DOCK3: variants seen among roughly 807,000 people sequenced by gnomAD.
DOCK3 encodes dedicator of cytokinesis protein 3.
Under a neutral mutation model 265.6 loss-of-function variants are expected in DOCK3, and 60 were observed. The observed-to-expected ratio is 0.23, with a 90% CI of 0.18 to 0.28. DOCK3 has a LOEUF of 0.28. Ranked by LOEUF, DOCK3 falls within the 10% of genes least tolerant of loss-of-function variation. The pLI is 1.00. For synonymous variants in DOCK3, 881 were observed against 938.0 expected, an observed-to-expected ratio of 0.94 and a Z score of 1.11; for missense variants, 1,981 against 2,594.3, an observed-to-expected ratio of 0.76 and a Z score of 5.14.
chr3:50,842,088 A>G (rs1252300209), intron 3 of DOCK3, among the ~76,000 whole-genome samples: 2 of 152,220 alleles, frequency 1.3e-5, no homozygotes, highest in East Asian at 3.9e-4. Flanking sequence ...CAAATAATCC[A>G]ATTAGATATT....
In DOCK3 at chr3:51,075,321, C is replaced by T. The variant is rs766316595; in HGVS notation, c.465-35C>T. 2.6e-6 allele frequency: 4 copies of T among 1,557,358 alleles called. No homozygotes were observed. In the African/African-American group the frequency reaches 4.1e-5, roughly 16 times the overall value. ...TAAAGAGAGATAAGTAATCTGAGTA[C>T]ATGGCATACTGAGTGTGGTCTTTCT... is the stretch of plus-strand genomic sequence containing the variant. On this transcript the variant is annotated intron_variant, in intron 6 of 52. Coordinates refer to ENST00000266037, the MANE Select transcript of DOCK3 (RefSeq NM_004947.5).
intron 48 of DOCK3, among the ~76,000 whole-genome samples, chr3:51,362,221 G>A (rs778216113): frequency 6.6e-6 from 1 of 152,184 alleles, no homozygotes; most frequent in Non-Finnish European, 1.5e-5. Context: ...CTTCAGTCCT[G>A]GTTGCTTTAG....
At chr3:51,127,351 A>C (rs1349564117) in intron 9 of DOCK3, among the ~76,000 whole-genome samples, 1 of 152,146 alleles carries the variant, frequency 6.6e-6, no homozygotes, top group Non-Finnish European at 1.5e-5. Context: ...TAACCATCAC[A>C]AGTCCACCCC....
At chr3:50,910,915 G>A (rs939664310) in intron 4 of DOCK3, among the ~76,000 whole-genome samples, 23 of 151,952 alleles carry the variant, frequency 1.5e-4, no homozygotes. Context: ...TTGCATGGAT[G>A]GTTGTTCAAT....
chr3:51,207,586 A>G (rs1317849842), intron 12 of DOCK3, among the ~76,000 whole-genome samples: 1 of 152,194 alleles, frequency 6.6e-6, no homozygotes, highest in African/African-American at 2.4e-5. Flanking sequence ...AGGAGTCCAA[A>G]GAGCCACTGA....
intron 7 of DOCK3, among the ~76,000 whole-genome samples, chr3:51,082,271 C>T (rs35356497): frequency 0.76 from 115,291 of 151,616 alleles, 44,826 homozygotes; most frequent in Middle Eastern, 0.88. Context: ...CACCAGACTG[C>T]GTTTTTCTAC....
rs138224831 is a variant in DOCK3 at position 51,158,508 on chromosome 3, C to T, written c.829-736C>T. Among the ~76,000 whole-genome samples, 3 of 152,154 alleles carry T rather than the reference C, an allele frequency of 2.0e-5. No homozygotes were observed. The East Asian group carries it at 5.8e-4, about 29-fold the overall frequency. ...GCAGTGAGCCGTGATCGCACCACTG[C>T]ACTCCATCCTGGTGACAGAGCAAGA... On this transcript the variant is annotated intron_variant, in intron 10 of 52. Coordinates refer to ENST00000266037, the MANE Select transcript of DOCK3 (RefSeq NM_004947.5).
Position 51,181,066 on chromosome 3 carries a change from A to C in DOCK3, c.1037+20364A>C, listed in dbSNP as rs183052785. ...GCTATAATTACATGTATATACACGT[A>C]CAGGCTATTTGTCTTTATTTTAATT... On this transcript the variant is annotated intron_variant, in intron 12 of 52. Transcript: ENST00000266037. Among the ~76,000 whole-genome samples the C allele has an allele frequency of 2.9e-4, 44 of 152,362 alleles. No homozygotes were observed. The East Asian group carries it at 7.5e-3, about 26-fold the overall frequency.
chr3:51,157,282 C>G (rs2085896122), intron 10 of DOCK3, among the ~76,000 whole-genome samples: 2 of 151,996 alleles, frequency 1.3e-5, no homozygotes, highest in Admixed American at 1.3e-4. Context: ...GAGACGGAGT[C>G]TCTCTGTCAC....
At chr3:51,267,293 G>A (rs953449526) in intron 23 of DOCK3, among the ~76,000 whole-genome samples, 1 of 152,022 alleles carries the variant, frequency 6.6e-6, no homozygotes, top group African/African-American at 2.4e-5. Context: ...AGAAATACAT[G>A]TGACCCAGCG....
rs184754051 is a variant in DOCK3, at chr3:51,307,049, A to G, written c.2923-3183A>G. On this transcript the variant is annotated intron_variant, in intron 27 of 52. Coordinates refer to ENST00000266037, the MANE Select transcript of DOCK3 (RefSeq NM_004947.5). ...CTTCCCCACATCCCCAGGGCTTGTTATTGTTGCTTTTTATTGCTTTATGTT... is the reference window on the plus strand; with the variant it reads ...CTTCCCCACATCCCCAGGGCTTGTTGTTGTTGCTTTTTATTGCTTTATGTT... 7.0e-3 allele frequency among the ~76,000 whole-genome samples: 1,065 copies of G among 152,034 alleles called. 35 individuals carry two copies. The highest frequency in any genetic ancestry group is 0.064 in the Admixed American group (979 of 15,288).
intron 22 of DOCK3, among the ~76,000 whole-genome samples, chr3:51,249,150 TGGG>T (rs1170918608): frequency 1.2e-5 from 1 of 81,912 alleles, no homozygotes; most frequent in South Asian, 5.1e-4. Flanking sequence ...GGGAGGGAGG[TGGG>T]GGGGTCAGCC....
At chr3:50,971,525 C>T (rs2077232050) in intron 5 of DOCK3, among the ~76,000 whole-genome samples, 1 of 152,070 alleles carries the variant, frequency 6.6e-6, no homozygotes, top group Non-Finnish European at 1.5e-5. Flanking sequence ...CTCCCTCTTG[C>T]GGGACCAGGT....
At chr3:50,901,541 C>T (rs2049196038) in intron 4 of DOCK3, 1 of 440,788 alleles carries the variant, frequency 2.3e-6, no homozygotes, top group Non-Finnish European at 4.5e-6. Flanking sequence ...CTGCAGTTAG[C>T]TCAGTGTCTG....
chr3:51,275,778 A>G (rs541408220), intron 25 of DOCK3, among the ~76,000 whole-genome samples: 6 of 152,016 alleles, frequency 3.9e-5, no homozygotes, highest in Admixed American at 3.9e-4. Flanking sequence ...TTTCCTCTCT[A>G]TTTTTTCTTT....
chr3:51,305,834 CTTTTTTTT>C (rs761039681), intron 27 of DOCK3, among the ~76,000 whole-genome samples: 1 of 50,576 alleles, frequency 2.0e-5, no homozygotes. Flanking sequence ...ATTTCTTCTT[CTTTTTTTT>C]TTTTTTTTTT....
chr3:51,026,963 A>G (rs1239750024), intron 5 of DOCK3, among the ~76,000 whole-genome samples: 1 of 150,824 alleles, frequency 6.6e-6, no homozygotes, highest in Non-Finnish European at 1.5e-5. Context: ...TATTTTGTTC[A>G]GTTCTCTGAT....
chr3:50,879,057 C>T (rs547444276), intron 3 of DOCK3, among the ~76,000 whole-genome samples: 150 of 150,124 alleles, frequency 1.0e-3, no homozygotes, highest in Non-Finnish European at 1.8e-3. Context: ...GAAATAAAAT[C>T]CTTTACAGAC....
intron 2 of DOCK3, among the ~76,000 whole-genome samples, chr3:50,794,799 T>C (rs770045159): frequency 9.2e-5 from 14 of 152,146 alleles, no homozygotes; most frequent in Non-Finnish European, 1.8e-4. Flanking sequence ...TATGGAGACA[T>C]GTTTGTGTGG....
Sources: allele counts gnomAD v4.1 joint callset (sites outside exome capture counted in the v4.1 genomes callset), GRCh38; gene constraint gnomAD v4.1.1; transcripts MANE v1.5; gene names NCBI Gene and HGNC (gene_info 2026-07-23, HGNC 2026-07-21).